Variants in BLTP1 observed in about 807,000 individuals in gnomAD.
BLTP1 encodes fragile site-associated protein.
chr4:122,152,436 G>C, the BLTP1 span: 1 of 985,750 alleles, frequency 1.0e-6, no homozygotes, highest in Non-Finnish European at 1.2e-6. Context: ...CCCGGGCGGC[G>C]GGGCTAAAGG....
chr4:122,205,893 G>T, the BLTP1 span: 2 of 956,282 alleles, frequency 2.1e-6, no homozygotes, highest in Non-Finnish European at 2.5e-6. Flanking sequence ...TCTAGGAGGA[G>T]CCCTTTTATT....
chr4:122,229,281 T>C, the BLTP1 span: 1 of 1,463,098 alleles, frequency 6.8e-7, no homozygotes, highest in Non-Finnish European at 9.3e-7. Flanking sequence ...TTTTCGTTTT[T>C]ACTAAACCAA....
chr4:122,300,304 T>C, the BLTP1 span, among the ~76,000 whole-genome samples: 1 of 152,162 alleles, frequency 6.6e-6, no homozygotes, highest in Non-Finnish European at 1.5e-5. Context: ...CCACCGTGCC[T>C]GGCCCAAATA....
chr4:122,236,676 A>G, the BLTP1 span: 13 of 764,740 alleles, frequency 1.7e-5, no homozygotes, highest in Non-Finnish European at 2.1e-5. Flanking sequence ...ATTAACCATC[A>G]CAAACTCAAG....
At chr4:122,303,509 T>A in the BLTP1 span, among the ~76,000 whole-genome samples, 3 of 152,342 alleles carry the variant, frequency 2.0e-5, no homozygotes, top group East Asian at 3.9e-4. Flanking sequence ...AGGCTACAGT[T>A]TTCATAGATA....
chr4:122,339,581 GTTA>G, the BLTP1 span, among the ~76,000 whole-genome samples: 1 of 152,100 alleles, frequency 6.6e-6, no homozygotes, highest in African/African-American at 2.4e-5. Flanking sequence ...TATTTCATGT[GTTA>G]TTTGAACTTG....
chr4:122,238,566 T>A, the BLTP1 span, among the ~76,000 whole-genome samples: 1 of 152,320 alleles, frequency 6.6e-6, no homozygotes, highest in South Asian at 2.1e-4. Flanking sequence ...TACAGGAAAG[T>A]GTAATGAAAG....
the BLTP1 span, chr4:122,250,271 G>C: frequency 7.6e-7 from 1 of 1,318,958 alleles, no homozygotes. Flanking sequence ...GAAAAAAATA[G>C]TCTTTATGAA....
the BLTP1 span, chr4:122,346,799 C>T: frequency 2.0e-3 from 3,167 of 1,598,318 alleles, 63 homozygotes; most frequent in African/African-American, 0.038. Context: ...GTTACTGTAG[C>T]AGCAAGACCT....
At chr4:122,264,193 T>C in the BLTP1 span, 2 of 1,496,918 alleles carry the variant, frequency 1.3e-6, no homozygotes, top group South Asian at 1.5e-5. Flanking sequence ...GCTGTACACT[T>C]TTATGTGTTT....
chr4:122,203,221 C>T, the BLTP1 span, among the ~76,000 whole-genome samples: 4 of 151,810 alleles, frequency 2.6e-5, no homozygotes, highest in South Asian at 2.1e-4. Context: ...CATTCTCATA[C>T]CATTTATTAA....
the BLTP1 span, chr4:122,286,465 C>A: frequency 1.3e-6 from 2 of 1,579,362 alleles, no homozygotes; most frequent in East Asian, 2.2e-5. Flanking sequence ...TTCTTAGATA[C>A]CCTTTTTGGA....
chr4:122,169,849 A>G, the BLTP1 span: 9 of 985,224 alleles, frequency 9.1e-6, no homozygotes, highest in Non-Finnish European at 1.1e-5. Context: ...AACTAGGAAG[A>G]TTGTTTCCCC....
At chr4:122,250,700 T>C in the BLTP1 span, 4 of 940,776 alleles carry the variant, frequency 4.3e-6, no homozygotes, top group Non-Finnish European at 6.3e-6. Context: ...ATTTATGATA[T>C]CTGCTTAAAT....
the BLTP1 span, chr4:122,325,800 T>C: frequency 1.6e-5 from 15 of 950,620 alleles, 2 homozygotes; most frequent in South Asian, 2.1e-4. Context: ...TTTTAAGTCA[T>C]TGTTATTTTT....
At chr4:122,187,410 AG>A in the BLTP1 span, 57 of 1,609,844 alleles carry the variant, frequency 3.5e-5, 1 homozygote, top group South Asian at 6.0e-4. Flanking sequence ...TATTCATGTC[AG>A]TTTTATTTTT....
chr4:122,152,539 C>T, the BLTP1 span: 1 of 985,726 alleles, frequency 1.0e-6, no homozygotes, highest in Non-Finnish European at 1.2e-6. Context: ...CGGCGTTCCC[C>T]GGAGAGAGGC....
the BLTP1 span, chr4:122,247,741 G>T: frequency 9.9e-7 from 1 of 1,007,170 alleles, no homozygotes; most frequent in Non-Finnish European, 1.2e-6. Flanking sequence ...AGAATTAATT[G>T]TAATATTAAT....
At chr4:122,360,688 C>T in the BLTP1 span, among the ~76,000 whole-genome samples, 1 of 152,094 alleles carries the variant, frequency 6.6e-6, no homozygotes, top group Non-Finnish European at 1.5e-5. Flanking sequence ...TTTGTTGTAA[C>T]TAAATAAGCA....
Sources: gnomAD v4.1 joint callset for allele counts (sites outside exome capture counted in the v4.1 genomes callset) on GRCh38, gnomAD v4.1.1 for gene constraint, MANE v1.5 for transcripts, NCBI Gene and HGNC (gene_info 2026-07-23, HGNC 2026-07-21) for gene names.